Variants in RORB observed in about 807,000 individuals in gnomAD.
The protein encoded by RORB is RAR related orphan receptor B.
In RORB, 6 loss-of-function variants were observed where a neutral mutation model predicts 59.1. The ratio of observed to expected loss-of-function variants is 0.10; its 90% CI spans 0.06 to 0.20. The LOEUF is 0.20. Among genes scored for constraint, RORB ranks in the 10% least tolerant of loss-of-function variants. The pLI, the probability that RORB is intolerant of heterozygous loss-of-function variation, is 1.00. For synonymous variants in RORB, 215 were observed against 204.5 expected (o/e 1.05, Z -0.44); for missense variants, 320 against 560.5 (o/e 0.57, Z 4.33).
At chr9:74,548,256 C>T (rs1322779421) in intron 1 of RORB, among the ~76,000 whole-genome samples, 1 of 152,184 alleles carries the variant, frequency 6.6e-6, no homozygotes, top group East Asian at 1.9e-4. Flanking sequence ...TGATCACCTT[C>T]TCTTATCCTA....
intron 1 of RORB, among the ~76,000 whole-genome samples, chr9:74,559,287 A>G (rs1332651190): frequency 2.6e-5 from 4 of 152,196 alleles, no homozygotes; most frequent in African/African-American, 9.6e-5. Context: ...CCAGGCTTCT[A>G]AAACCCCGGA....
At chr9:74,514,359 T>C (rs1825980987) in intron 1 of RORB, among the ~76,000 whole-genome samples, 2 of 152,062 alleles carry the variant, frequency 1.3e-5, no homozygotes, top group Non-Finnish European at 2.9e-5. Context: ...GTGGTCTCTG[T>C]TGTTCTGACA....
intron 1 of RORB, among the ~76,000 whole-genome samples, chr9:74,504,485 C>G (rs1419146595): frequency 6.6e-6 from 1 of 152,010 alleles, no homozygotes; most frequent in African/African-American, 2.4e-5. Context: ...CAAAAATATG[C>G]TCTTATAAAA....
At chr9:74,498,666 C>T (rs531704439) in intron 1 of RORB, 1 of 152,570 alleles carries the variant, frequency 6.6e-6, no homozygotes, top group Non-Finnish European at 1.5e-5. Context: ...AGTGCGACCC[C>T]GGAAAAGTTG....
chr9:74,654,389 A>G (rs923439190), intron 4 of RORB, among the ~76,000 whole-genome samples: 1 of 150,666 alleles, frequency 6.6e-6, no homozygotes, highest in African/African-American at 2.4e-5. Flanking sequence ...GACTCAGCTA[A>G]TTTCTAGGAT....
chr9:74,513,455 C>T (rs894398246), intron 1 of RORB, among the ~76,000 whole-genome samples: 1 of 151,938 alleles, frequency 6.6e-6, no homozygotes, highest in Non-Finnish European at 1.5e-5. Context: ...ATAAATATAA[C>T]ATTTGTAACA....
chr9:74,535,494 C>T (rs1826308324), intron 1 of RORB, among the ~76,000 whole-genome samples: 1 of 151,872 alleles, frequency 6.6e-6, no homozygotes, highest in Non-Finnish European at 1.5e-5. Flanking sequence ...TCTAGTAAAA[C>T]GCAATCACGG....
chr9:74,527,730 A>G (rs924847272), intron 1 of RORB, among the ~76,000 whole-genome samples: 1 of 152,052 alleles, frequency 6.6e-6, no homozygotes, highest in Non-Finnish European at 1.5e-5. Context: ...TCTTTGCACC[A>G]TATCCTGTGC....
chr9:74,586,130 A>C (rs1822795711), intron 1 of RORB, among the ~76,000 whole-genome samples: 1 of 152,130 alleles, frequency 6.6e-6, no homozygotes, highest in Admixed American at 6.5e-5. Context: ...GATACTTATA[A>C]ATTTACCAAA....
chr9:74,653,439 G>A (rs1394551883), intron 4 of RORB, among the ~76,000 whole-genome samples: 1 of 151,150 alleles, frequency 6.6e-6, no homozygotes, highest in Non-Finnish European at 1.5e-5. Flanking sequence ...GGTATTTTTA[G>A]GAAGAATACT....
At chr9:74,568,625 G>A (rs570100728) in intron 1 of RORB, among the ~76,000 whole-genome samples, 1 of 151,178 alleles carries the variant, frequency 6.6e-6, no homozygotes, top group East Asian at 2.0e-4. Flanking sequence ...ACTTGAACCC[G>A]GGAAGCAGAG....
chr9:74,563,652 C>T (rs574640349), intron 1 of RORB, among the ~76,000 whole-genome samples: 2 of 151,906 alleles, frequency 1.3e-5, no homozygotes, highest in African/African-American at 4.8e-5. Context: ...TGATGTGTCT[C>T]GAAGAGACTT....
chr9:74,623,859 G>A (rs919860155), intron 1 of RORB, among the ~76,000 whole-genome samples: 2 of 152,154 alleles, frequency 1.3e-5, no homozygotes, highest in African/African-American at 4.8e-5. Flanking sequence ...TGAATTTAAT[G>A]GGAATTAATT....
chr9:74,611,165 G>A (rs886409875), intron 1 of RORB, among the ~76,000 whole-genome samples: 7 of 152,092 alleles, frequency 4.6e-5, no homozygotes, highest in East Asian at 1.9e-4. Context: ...TGTGAGATGG[G>A]GTCAAGGGAG....
At position 74,685,930 on chromosome 9, in the gene RORB, A is replaced by G. The variant is rs955616865; in HGVS notation, c.*312A>G. ...TTATAGAATTTTATTGTAGATATAT[A>G]CAAGAAAAGAGCGGTACTTTACATG... On this transcript the variant is annotated 3_prime_UTR_variant, in exon 10 of 10. Transcript: ENST00000376896. The G allele has an allele frequency of 1.1e-5, 2 of 179,330 alleles. No homozygotes were observed. The highest frequency in any genetic ancestry group is 2.3e-5 in the Non-Finnish European group (2 of 86,242). The allele number at this position is 179,330 out of a possible 1,614,324, so 11.1% of individuals were successfully genotyped here. A position where few individuals can be genotyped will look rare whatever the true frequency, so the allele number is the denominator to read the frequency against.
intron 1 of RORB, among the ~76,000 whole-genome samples, chr9:74,629,750 G>A: frequency 6.6e-6 from 1 of 152,130 alleles, no homozygotes; most frequent in Admixed American, 6.5e-5. Context: ...TATACAGCAT[G>A]CTCAGTAAAT....
Position 74,692,122 on chromosome 9 carries a change from T to C in RORB, c.*6504T>C, listed in dbSNP as rs1824749368. ...TAATAACCTGAGGTCAGACCACTCA[T>C]TTGCTGAAGCCATAACTGACCTTCA... On this transcript the variant is annotated 3_prime_UTR_variant, in exon 10 of 10. Transcript: ENST00000376896. 2 of 152,172 alleles carry C rather than the reference T, an allele frequency of 1.3e-5. 1 individual carries two copies. The highest frequency in any genetic ancestry group is 4.1e-4 in the South Asian group (2 of 4,828). 9.4% of individuals were successfully genotyped at this position (152,172 alleles called of 1,614,324 possible). A position where few individuals can be genotyped will look rare whatever the true frequency, so the allele number is the denominator to read the frequency against.
intron 1 of RORB, among the ~76,000 whole-genome samples, chr9:74,562,483 C>T (rs1168347047): frequency 2.0e-5 from 3 of 152,042 alleles, no homozygotes; most frequent in Non-Finnish European, 4.4e-5. Context: ...CATCTGAGAC[C>T]AGAGGTGGAG....
chr9:74,651,683 G>A (rs1412105563), intron 4 of RORB, among the ~76,000 whole-genome samples: 1 of 152,164 alleles, frequency 6.6e-6, no homozygotes, highest in African/African-American at 2.4e-5. Context: ...AATAGGTTAA[G>A]CGACTTCCCC....
Sources: allele counts gnomAD v4.1 joint callset (sites outside exome capture counted in the v4.1 genomes callset), GRCh38; gene constraint gnomAD v4.1.1; transcripts MANE v1.5; gene names NCBI Gene and HGNC (gene_info 2026-07-23, HGNC 2026-07-21).